WAC: variants seen among roughly 807,000 people sequenced by gnomAD.
The protein encoded by WAC is WW domain containing adaptor with coiled-coil.
A neutral mutation model predicts 79.6 loss-of-function variants in WAC; 11 were observed. That is an observed-to-expected ratio of 0.14 (90% confidence interval 0.09 to 0.23). The LOEUF (loss-of-function observed/expected upper bound fraction) is 0.23. Ranked by LOEUF, WAC falls within the 10% of genes least tolerant of loss-of-function variation. The pLI is 1.00. For synonymous variants in WAC, 304 were observed against 276.9 expected (o/e 1.10, Z -0.97); for missense variants, 728 against 773.5 (o/e 0.94, Z 0.70).
At chr10:28,537,006 A>G (rs765533662) in intron 3 of WAC, among the ~76,000 whole-genome samples, 1 of 152,216 alleles carries the variant, frequency 6.6e-6, no homozygotes, top group Non-Finnish European at 1.5e-5. Context: ...TCCACCTAGG[A>G]TAGAAATCAG....
chr10:28,562,968 G>A (rs747131027), intron 3 of WAC, among the ~76,000 whole-genome samples: 9 of 152,072 alleles, frequency 5.9e-5, no homozygotes, highest in African/African-American at 1.7e-4. Context: ...AGTGTGCAGC[G>A]GGTGATCAAA....
At chr10:28,606,476 T>TA (rs1172408290) in intron 7 of WAC, among the ~76,000 whole-genome samples, 8 of 152,198 alleles carry the variant, frequency 5.3e-5, no homozygotes, top group South Asian at 2.1e-4. Flanking sequence ...TGTATACCCT[T>TA]ACGCAAATAA....
At chr10:28,612,486 C>A (rs1025648924) in intron 10 of WAC, among the ~76,000 whole-genome samples, 4 of 152,174 alleles carry the variant, frequency 2.6e-5, no homozygotes, top group African/African-American at 7.2e-5. Flanking sequence ...CAGAATCTTA[C>A]ATGGTTGGCT....
intron 3 of WAC, among the ~76,000 whole-genome samples, chr10:28,553,732 A>G (rs1446481392): frequency 6.6e-6 from 1 of 152,214 alleles, no homozygotes; most frequent in Non-Finnish European, 1.5e-5. Context: ...TGGTTTCCCC[A>G]ACCACAGATA....
chr10:28,613,407 G>A (rs540501210), intron 10 of WAC, among the ~76,000 whole-genome samples: 30 of 152,150 alleles, frequency 2.0e-4, no homozygotes, highest in Admixed American at 1.4e-3. Context: ...AGGAGGCTGA[G>A]GTAGGAGAAT....
At chr10:28,553,309 A>T (rs1837798808) in intron 3 of WAC, among the ~76,000 whole-genome samples, 1 of 152,210 alleles carries the variant, frequency 6.6e-6, no homozygotes, top group South Asian at 2.1e-4. Flanking sequence ...TTGTTAATAC[A>T]GCTTTCAATT....
rs1415992627 is a variant in WAC at position 28,619,561 on chromosome 10, T to G, written c.1899T>G (p.Ile633Met). Residue 633 changes from isoleucine to methionine, a missense_variant, in exon 14 of 14, where the codon ATT (isoleucine) becomes ATG (methionine). Physicochemically the swap from Ile to Met is conservative, Grantham distance 10. This residue lies in a region of WAC where 66 missense variants were observed against 78.9 expected (regional missense o/e 0.84). Coordinates refer to ENST00000354911, the MANE Select transcript of WAC (RefSeq NM_016628.5). The part of the protein sequence containing the change: ...EQRILFLRQQ[I>M]KELEKLKNQN... ...GGATACTATTTTTGAGACAACAAAT[T>G]AAGGAACTTGAAAAGCTAAAAAATC... is the stretch of plus-strand genomic sequence containing the variant. 1 of 1,588,358 alleles carries G rather than the reference T, an allele frequency of 6.3e-7. No homozygotes were observed. Among genetic ancestry groups the G allele is most frequent in the Non-Finnish European group, 8.5e-7 (1 of 1,173,288 alleles).
chr10:28,533,888 C>T, intron 1 of WAC, 110 bp from the exon 2 acceptor site: 1 of 1,358,334 alleles, frequency 7.4e-7, no homozygotes, highest in Non-Finnish European at 1.0e-6. Context: ...GGCGCTGGGG[C>T]GCTCGGTAGG....
At chr10:28,580,814 T>A (rs1839494533) in intron 3 of WAC, among the ~76,000 whole-genome samples, 2 of 152,208 alleles carry the variant, frequency 1.3e-5, no homozygotes, top group Admixed American at 1.3e-4. Flanking sequence ...GTATTAATTT[T>A]CCTTTGTTAC....
chr10:28,605,221 TTTTG>T (rs779566150), intron 7 of WAC, among the ~76,000 whole-genome samples: 6 of 152,234 alleles, frequency 3.9e-5, no homozygotes, highest in Non-Finnish European at 7.3e-5. Context: ...TATGTTTTTC[TTTTG>T]TTTGTTTTTA....
At chr10:28,557,129 T>A (rs896351332) in intron 3 of WAC, among the ~76,000 whole-genome samples, 1 of 152,030 alleles carries the variant, frequency 6.6e-6, no homozygotes, top group African/African-American at 2.4e-5. Context: ...GTTATTTAAG[T>A]TGAACAGCCT....
chr10:28,556,735 G>T (rs962986234), intron 3 of WAC, among the ~76,000 whole-genome samples: 4 of 152,002 alleles, frequency 2.6e-5, no homozygotes, highest in Non-Finnish European at 4.4e-5. Context: ...GTTACTGATT[G>T]TATATGGTGT....
chr10:28,556,541 C>T (rs1205843635), intron 3 of WAC, among the ~76,000 whole-genome samples: 11 of 149,866 alleles, frequency 7.3e-5, no homozygotes, highest in Non-Finnish European at 1.0e-4. Context: ...TTCTTTTTTT[C>T]GTGCAAGAAG....
chr10:28,565,404 G>A (rs1838547482), intron 3 of WAC, among the ~76,000 whole-genome samples: 1 of 152,152 alleles, frequency 6.6e-6, no homozygotes, highest in Admixed American at 6.6e-5. Context: ...ATAGGGTCTT[G>A]TTCTGTCACC....
rs980081794 is a variant in WAC, at chr10:28,621,538, A to G, written c.*1932A>G. The G allele has an allele frequency of 6.6e-6, 1 of 152,138 alleles. No homozygotes were observed. The highest frequency in any genetic ancestry group is 2.4e-5 in the African/African-American group (1 of 41,388). 9.4% of individuals were successfully genotyped at this position (152,138 alleles called of 1,614,324 possible). A position where few individuals can be genotyped will look rare whatever the true frequency, so the allele number is the denominator to read the frequency against. ...AATTTAAGGATACTTTTTAAATGTA[A>G]GAAAAGACATGTCATTAATTTATTG... On this transcript the variant is annotated 3_prime_UTR_variant, in exon 14 of 14. Transcript: ENST00000354911.
chr10:28,616,021 A>G (rs1349537198), intron 11 of WAC, 152 bp from the exon 12 acceptor site: 5 of 599,242 alleles, frequency 8.3e-6, no homozygotes, highest in Non-Finnish European at 1.4e-5. Context: ...ACTTTGGATT[A>G]TTAATTCTCT....
intron 1 of WAC, 38 bp downstream of exon 1, chr10:28,533,658 G>GGGGCGGCGGC: frequency 1.9e-6 from 3 of 1,570,538 alleles, no homozygotes; most frequent in East Asian, 4.7e-5. Context: ...GCGGCGGCGG[G>GGGGCGGCGGC]GGGCGGCGGC....
chr10:28,619,207 G>A (rs1407984091), intron 13 of WAC, among the ~76,000 whole-genome samples: 1 of 152,196 alleles, frequency 6.6e-6, no homozygotes, highest in African/African-American at 2.4e-5. Flanking sequence ...TTGAACCCGG[G>A]AGGCGGAGAT....
At chr10:28,601,230 A>G (rs907324671) in intron 7 of WAC, among the ~76,000 whole-genome samples, 2 of 152,160 alleles carry the variant, frequency 1.3e-5, no homozygotes, top group Non-Finnish European at 2.9e-5. Context: ...GTAAAACAAC[A>G]CGGTTCATAA....
Sources: allele counts gnomAD v4.1 joint callset (sites outside exome capture counted in the v4.1 genomes callset), GRCh38; gene constraint gnomAD v4.1.1; regional missense constraint gnomAD v4.1.1; transcripts MANE v1.5; gene names NCBI Gene and HGNC (gene_info 2026-07-23, HGNC 2026-07-21).